The following SLC25A21 variants were observed in gnomAD, a reference collection of about 807,000 sequenced individuals.
SLC25A21 encodes mitochondrial 2-oxodicarboxylate carrier.
A neutral mutation model predicts 43.8 loss-of-function variants in SLC25A21; 47 were observed. The ratio of observed to expected loss-of-function variants is 1.07; its 90% CI spans 0.85 to 1.37. The LOEUF (loss-of-function observed/expected upper bound fraction) is 1.37, where lower values mean the gene tolerates loss of function less well. Ranked by LOEUF, SLC25A21 falls within the 40% of genes most tolerant of loss-of-function variation. The pLI is 0.00. For missense variants in SLC25A21, 352 were observed against 350.2 expected (o/e 1.00, Z -0.04); for synonymous variants, 131 against 121.3 (o/e 1.08, Z -0.52).
At chr14:36,902,318 C>A (rs1221069525) in intron 1 of SLC25A21, among the ~76,000 whole-genome samples, 2 of 152,184 alleles carry the variant, frequency 1.3e-5, no homozygotes, top group African/African-American at 4.8e-5. Context: ...ATACCAGAGT[C>A]CAGCCATCCC....
At position 36,711,340 on chromosome 14, in the gene SLC25A21, T is replaced by C. The variant is rs1473168802; in HGVS notation, c.581A>G (p.Lys194Arg). 2.5e-6 allele frequency: 4 copies of C among 1,613,966 alleles called. No homozygotes were observed. The highest frequency in any genetic ancestry group is 1.7e-4 in the Middle Eastern group (1 of 6,060). Residue 194 changes from lysine to arginine, a missense_variant, in exon 7 of 10, where the codon AAA (lysine) becomes AGA (arginine). By Grantham distance (26) the Lys-to-Arg change is conservative (BLOSUM62 2). Transcript: ENST00000331299. ...MVYFGFYYNVKNMIPVNKDPI... is the reference protein window; with the variant it reads ...MVYFGFYYNVRNMIPVNKDPI... The stretch of plus-strand genomic sequence containing the variant: ...TACCTTATTGACAGGAATCATGTTT[T>C]TGACATTGTAGTAGAAGCCAAAATA...
intron 1 of SLC25A21, among the ~76,000 whole-genome samples, chr14:37,112,922 A>G (rs965094079): frequency 1.3e-5 from 2 of 152,190 alleles, no homozygotes; most frequent in South Asian, 2.1e-4. Context: ...CCTAATTAAC[A>G]TAAGCTTTTT....
At chr14:36,921,262 A>C (rs1282917366) in intron 1 of SLC25A21, among the ~76,000 whole-genome samples, 1 of 152,142 alleles carries the variant, frequency 6.6e-6, no homozygotes, top group African/African-American at 2.4e-5. Flanking sequence ...TACTCAAAGG[A>C]GATAATATTA....
intron 7 of SLC25A21, among the ~76,000 whole-genome samples, chr14:36,706,446 G>A (rs906125221): frequency 1.1e-4 from 16 of 152,102 alleles, no homozygotes; most frequent in East Asian, 7.7e-4. Context: ...GAGGTAGACC[G>A]ATGACTTCTA....
intron 1 of SLC25A21, among the ~76,000 whole-genome samples, chr14:36,895,182 G>C (rs543717453): frequency 2.0e-5 from 3 of 152,076 alleles, no homozygotes; most frequent in African/African-American, 7.2e-5. Context: ...GACTTTTTTC[G>C]GTTGGTAAGC....
intron 1 of SLC25A21, among the ~76,000 whole-genome samples, chr14:37,127,527 T>C (rs1158443412): frequency 6.6e-6 from 1 of 152,256 alleles, no homozygotes; most frequent in Non-Finnish European, 1.5e-5. Flanking sequence ...TTTTTTTCTT[T>C]AGTCAATGGC....
chr14:36,740,200 G>C (rs892205524), intron 3 of SLC25A21, among the ~76,000 whole-genome samples: 4 of 152,172 alleles, frequency 2.6e-5, no homozygotes, highest in Non-Finnish European at 5.9e-5. Context: ...GCATTTATAA[G>C]GAAGCTGTGA....
At chr14:37,079,360 T>C (rs1345098482) in intron 1 of SLC25A21, among the ~76,000 whole-genome samples, 1 of 152,192 alleles carries the variant, frequency 6.6e-6, no homozygotes, top group Non-Finnish European at 1.5e-5. Flanking sequence ...AGGTTTTCCC[T>C]AATGCTCCTT....
At chr14:36,941,721 A>C (rs1892562969) in intron 1 of SLC25A21, among the ~76,000 whole-genome samples, 1 of 151,980 alleles carries the variant, frequency 6.6e-6, no homozygotes, top group African/African-American at 2.4e-5. Context: ...TTAACTGCTA[A>C]TTATTGAAAA....
At chr14:36,849,798 C>A (rs1168648982) in intron 2 of SLC25A21, among the ~76,000 whole-genome samples, 1 of 152,174 alleles carries the variant, frequency 6.6e-6, no homozygotes, top group South Asian at 2.1e-4. Flanking sequence ...TTCATTAGAA[C>A]CTCTCATCTT....
intron 7 of SLC25A21, among the ~76,000 whole-genome samples, chr14:36,695,105 C>A (rs1489655748): frequency 6.6e-6 from 1 of 152,110 alleles, no homozygotes; most frequent in Non-Finnish European, 1.5e-5. Context: ...AGGAAGGGAT[C>A]CAGTTTCAGC....
At chr14:36,767,109 T>A (rs1220372559) in intron 3 of SLC25A21, among the ~76,000 whole-genome samples, 1 of 152,238 alleles carries the variant, frequency 6.6e-6, no homozygotes, top group African/African-American at 2.4e-5. Context: ...TCTAATTTTA[T>A]TCTATTTTAT....
chr14:37,033,494 T>C (rs1188665682), intron 1 of SLC25A21, among the ~76,000 whole-genome samples: 1 of 152,176 alleles, frequency 6.6e-6, no homozygotes, highest in Non-Finnish European at 1.5e-5. Flanking sequence ...GGATATGCAG[T>C]AACTGGAACA....
At chr14:36,876,475 G>A (rs185292375) in intron 1 of SLC25A21, among the ~76,000 whole-genome samples, 70 of 152,272 alleles carry the variant, frequency 4.6e-4, no homozygotes, top group African/African-American at 1.5e-3. Context: ...GAGGAGACAG[G>A]CTCAGGTGAG....
chr14:37,162,280 T>G (rs1963957693), intron 1 of SLC25A21, among the ~76,000 whole-genome samples: 1 of 152,248 alleles, frequency 6.6e-6, no homozygotes, highest in South Asian at 2.1e-4. Context: ...TAGATCCGAT[T>G]TGTCAATTTT....
intron 1 of SLC25A21, among the ~76,000 whole-genome samples, chr14:36,907,410 A>G (rs903043248): frequency 1.3e-5 from 2 of 152,158 alleles, no homozygotes; most frequent in South Asian, 2.1e-4. Context: ...TACCATGTAC[A>G]ACATATTTTT....
chr14:37,093,157 C>A (rs1014643580), intron 1 of SLC25A21, among the ~76,000 whole-genome samples: 1 of 152,048 alleles, frequency 6.6e-6, no homozygotes, highest in Non-Finnish European at 1.5e-5. Context: ...CATATTGCTG[C>A]CCACTGATGA....
chr14:37,095,142 G>C (rs1336463341), intron 1 of SLC25A21, among the ~76,000 whole-genome samples: 6 of 152,120 alleles, frequency 3.9e-5, no homozygotes. Flanking sequence ...TGGGAATTTT[G>C]TCTGTTTTGA....
chr14:36,863,936 C>G (rs1036409464), intron 2 of SLC25A21, among the ~76,000 whole-genome samples: 3 of 152,202 alleles, frequency 2.0e-5, no homozygotes, highest in African/African-American at 7.2e-5. Context: ...CTCTTCTGAG[C>G]TTTCCAGAGT....
Sources: allele counts gnomAD v4.1 joint callset (sites outside exome capture counted in the v4.1 genomes callset), GRCh38; gene constraint gnomAD v4.1.1; transcripts MANE v1.5; gene names NCBI Gene and HGNC (gene_info 2026-07-23, HGNC 2026-07-21).